The following BRINP3 variants were observed in gnomAD, a reference collection of about 807,000 sequenced individuals.
BRINP3 encodes BMP/retinoic acid-inducible neural-specific protein 3.
Under a neutral mutation model 71.0 loss-of-function variants are expected in BRINP3, and 19 were observed. That is an observed-to-expected ratio of 0.27 (90% confidence interval 0.19 to 0.39). The LOEUF (loss-of-function observed/expected upper bound fraction) is 0.39. Ranked by LOEUF, BRINP3 falls within the 10% of genes least tolerant of loss-of-function variation. BRINP3 has a pLI of 1.00. For missense variants in BRINP3, 959 were observed against 940.8 expected (o/e 1.02, Z -0.25); for synonymous variants, 380 against 337.7 (o/e 1.13, Z -1.37).
chr1:190,371,132 C>T (rs1196991115), intron 2 of BRINP3, among the ~76,000 whole-genome samples: 1 of 152,106 alleles, frequency 6.6e-6, no homozygotes, highest in Non-Finnish European at 1.5e-5. Flanking sequence ...AGGTAGACTA[C>T]TCACTCTGTT....
At chr1:190,192,360 G>A (rs1339927068) in intron 6 of BRINP3, among the ~76,000 whole-genome samples, 1 of 152,066 alleles carries the variant, frequency 6.6e-6, no homozygotes, top group Non-Finnish European at 1.5e-5. Flanking sequence ...GTTGATTAGT[G>A]TACTGAATCA....
In BRINP3 at chr1:190,281,782, G is replaced by A. The variant is rs780487703; in HGVS notation, c.237-32C>T. On this transcript the variant is annotated intron_variant, in intron 2 of 7. Transcript: ENST00000367462. ...AGCAAATTTATTTTTATTCATAAAT[G>A]CATAATCTATCTGAATGTTTTCATT... The A allele has an allele frequency of 1.4e-5, 22 of 1,582,638 alleles. No homozygotes were observed. The South Asian group carries it at 2.3e-4, about 16-fold the overall frequency.
chr1:190,290,991 G>A (rs1293858559), intron 2 of BRINP3, among the ~76,000 whole-genome samples: 1 of 151,364 alleles, frequency 6.6e-6, no homozygotes, highest in East Asian at 1.9e-4. Flanking sequence ...AGAGAGAGAG[G>A]AAAGAGAAGA....
intron 4 of BRINP3, among the ~76,000 whole-genome samples, chr1:190,246,354 G>C (rs1021429924): frequency 8.6e-5 from 13 of 151,730 alleles, no homozygotes; most frequent in Non-Finnish European, 1.6e-4. Flanking sequence ...TGGCATCAAG[G>C]GTTTCTTAGA....
At chr1:190,377,216 A>T (rs754025786) in intron 2 of BRINP3, among the ~76,000 whole-genome samples, 2 of 151,950 alleles carry the variant, frequency 1.3e-5, no homozygotes, top group Non-Finnish European at 2.9e-5. Flanking sequence ...ATATATCTCT[A>T]ATCTGTCTGC....
At position 190,404,945 on chromosome 1, in the gene BRINP3, G is replaced by T. The variant is rs568769091; in HGVS notation, c.236+49710C>A. ...AACGGTTATCATAATATAATTCTCT[G>T]TAAAGGCTGTTAAAAGTCCTTCACA... is the stretch of plus-strand genomic sequence containing the variant. On this transcript the variant is annotated intron_variant, in intron 2 of 7. Transcript: ENST00000367462. Among the ~76,000 whole-genome samples, 4 of 151,782 alleles carry T rather than the reference G, an allele frequency of 2.6e-5. No homozygotes were observed. The South Asian group carries it at 8.4e-4, about 32-fold the overall frequency.
intron 4 of BRINP3, among the ~76,000 whole-genome samples, chr1:190,238,682 G>A (rs1658761969): frequency 8.1e-6 from 1 of 122,912 alleles, no homozygotes; most frequent in South Asian, 2.4e-4. Flanking sequence ...ATATGCTGCT[G>A]CTGGGAGTTT....
Position 190,280,103 on chromosome 1 carries a change from T to G in BRINP3, c.427+1457A>C, listed in dbSNP as rs182280289. Among the ~76,000 whole-genome samples, 21 of 151,890 alleles carry G rather than the reference T, an allele frequency of 1.4e-4. No homozygotes were observed. The East Asian group carries it at 3.9e-3, about 28-fold the overall frequency. ...TAATTAAAATAATTTCACATGATAA[T>G]AAATACTGTGATAAATGCAAATGTG... On this transcript the variant is annotated intron_variant, in intron 3 of 7. Transcript: ENST00000367462.
chr1:190,445,411 T>C (rs1675144957), intron 2 of BRINP3, among the ~76,000 whole-genome samples: 2 of 152,178 alleles, frequency 1.3e-5, no homozygotes, highest in Non-Finnish European at 1.5e-5. Context: ...ATTGTCAGCA[T>C]TGCTATTTTA....
At chr1:190,313,611 A>T (rs1301980193) in intron 2 of BRINP3, among the ~76,000 whole-genome samples, 1 of 152,038 alleles carries the variant, frequency 6.6e-6, no homozygotes, top group Non-Finnish European at 1.5e-5. Context: ...ATCAACAATA[A>T]TCAACACTTA....
At chr1:190,393,883 T>A (rs1671411396) in intron 2 of BRINP3, among the ~76,000 whole-genome samples, 1 of 151,564 alleles carries the variant, frequency 6.6e-6, no homozygotes, top group Non-Finnish European at 1.5e-5. Context: ...TCCACATGCC[T>A]GCCCTAAAGC....
chr1:190,115,105 T>C (rs761436321), intron 7 of BRINP3, among the ~76,000 whole-genome samples: 1 of 152,180 alleles, frequency 6.6e-6, no homozygotes, highest in Non-Finnish European at 1.5e-5. Context: ...GGAAGTTTTA[T>C]CTCACTTATT....
At chr1:190,436,029 G>A (rs1301028907) in intron 2 of BRINP3, among the ~76,000 whole-genome samples, 1 of 151,816 alleles carries the variant, frequency 6.6e-6, no homozygotes, top group East Asian at 1.9e-4. Flanking sequence ...GAGTAAATTA[G>A]TTACCCATCT....
chr1:190,198,076 C>A (rs1654649734), intron 6 of BRINP3, among the ~76,000 whole-genome samples: 1 of 152,140 alleles, frequency 6.6e-6, no homozygotes, highest in Non-Finnish European at 1.5e-5. Context: ...GCTGCCAAGG[C>A]TTGAAGCTAC....
intron 6 of BRINP3, among the ~76,000 whole-genome samples, chr1:190,195,093 T>C (rs1339023187): frequency 2.0e-5 from 3 of 152,024 alleles, no homozygotes; most frequent in African/African-American, 7.2e-5. Context: ...GCCTATGATA[T>C]CGAATGCATC....
intron 6 of BRINP3, among the ~76,000 whole-genome samples, chr1:190,166,606 G>T (rs1385962182): frequency 2.6e-5 from 4 of 152,158 alleles, no homozygotes; most frequent in Admixed American, 2.6e-4. Context: ...CAAAGAGAGT[G>T]CCTAGAGAAA....
At chr1:190,291,949 A>G (rs1663900824) in intron 2 of BRINP3, among the ~76,000 whole-genome samples, 1 of 152,314 alleles carries the variant, frequency 6.6e-6, no homozygotes, top group Non-Finnish European at 1.5e-5. Context: ...ACAATGGAGT[A>G]CTTATCAGCC....
At chr1:190,238,019 T>C (rs1658690639) in intron 4 of BRINP3, among the ~76,000 whole-genome samples, 1 of 151,944 alleles carries the variant, frequency 6.6e-6, no homozygotes, top group Non-Finnish European at 1.5e-5. Context: ...ATATCAGGAG[T>C]TGAGGTGGGG....
chr1:190,351,137 C>T (rs1261478687), intron 2 of BRINP3, among the ~76,000 whole-genome samples: 2 of 151,984 alleles, frequency 1.3e-5, no homozygotes, highest in Admixed American at 6.6e-5. Flanking sequence ...TTTAGTTTTT[C>T]CTACATCTAC....
Sources: gnomAD v4.1 joint callset for allele counts (sites outside exome capture counted in the v4.1 genomes callset) on GRCh38, gnomAD v4.1.1 for gene constraint, MANE v1.5 for transcripts, NCBI Gene and HGNC (gene_info 2026-07-23, HGNC 2026-07-21) for gene names.